The following ERGIC1 variants were observed in gnomAD, a reference collection of about 807,000 sequenced individuals.
ERGIC1 encodes endoplasmic reticulum-Golgi intermediate compartment protein 1.
Under a neutral mutation model 38.3 loss-of-function variants are expected in ERGIC1, and 19 were observed. The ratio of observed to expected loss-of-function variants is 0.50; its 90% CI spans 0.35 to 0.73. The LOEUF (loss-of-function observed/expected upper bound fraction) is 0.73, where lower values mean the gene tolerates loss of function less well. ERGIC1 is among the 30% of genes least tolerant of loss of function. ERGIC1 has a pLI of 0.01. For missense variants in ERGIC1, 294 were observed against 389.2 expected, an observed-to-expected ratio of 0.76 and a Z score of 2.06; for synonymous variants, 124 against 157.6, an observed-to-expected ratio of 0.79 and a Z score of 1.60.
At chr5:172,862,499 T>G (rs1167612926) in intron 1 of ERGIC1, among the ~76,000 whole-genome samples, 1 of 152,074 alleles carries the variant, frequency 6.6e-6, no homozygotes, top group Non-Finnish European at 1.5e-5. Context: ...GTGGATGCCC[T>G]TCAGCTGTAA....
chr5:172,909,466 T>C (rs1561730551), intron 3 of ERGIC1, among the ~76,000 whole-genome samples: 1 of 150,036 alleles, frequency 6.7e-6, no homozygotes, highest in Non-Finnish European at 1.5e-5. Context: ...AGCCCAGCCC[T>C]CCCGTCCTGA....
intron 1 of ERGIC1, among the ~76,000 whole-genome samples, chr5:172,885,304 C>CT (rs1762390242): frequency 1.8e-5 from 1 of 56,390 alleles, no homozygotes; most frequent in East Asian, 4.2e-4. Context: ...TAATTTTGTT[C>CT]ATTTTTTTTT....
At chr5:172,930,920 G>A (rs1763763332) in intron 7 of ERGIC1, among the ~76,000 whole-genome samples, 1 of 152,212 alleles carries the variant, frequency 6.6e-6, no homozygotes, top group Non-Finnish European at 1.5e-5. Flanking sequence ...GGATGTTGGA[G>A]TCTTCATGGA....
chr5:172,884,568 C>T (rs56110213), intron 1 of ERGIC1, among the ~76,000 whole-genome samples: 3,518 of 152,230 alleles, frequency 0.023, 63 homozygotes, highest in Non-Finnish European at 0.038. Flanking sequence ...CTCTTCTTGT[C>T]CTTTTGACAT....
Position 172,926,602 on chromosome 5 carries a change from C to G in ERGIC1, c.541+33C>G. 3.1e-6 allele frequency: 5 copies of G among 1,608,030 alleles called. No individual in the cohort carries two copies. The highest frequency in any genetic ancestry group is 4.2e-6 in the Non-Finnish European group (5 of 1,179,224). On this transcript the variant is annotated intron_variant, in intron 7 of 9. Transcript: ENST00000393784. This position sits in a 1 kb window ranked among gnomAD's most constrained non-coding sequence, Gnocchi z 5.2. ...TCCCTGCTGGGAACAGCCTTCTGCTCCAAGATGCCCAGTACAGCAGGCAGG... is the reference window on the plus strand; with the variant it reads ...TCCCTGCTGGGAACAGCCTTCTGCTGCAAGATGCCCAGTACAGCAGGCAGG...
chr5:172,926,661 C>T lies in ERGIC1; in HGVS notation c.541+92C>T. On this transcript the variant is annotated intron_variant, in intron 7 of 9. Coordinates refer to ENST00000393784, the MANE Select transcript of ERGIC1 (RefSeq NM_001031711.3). The surrounding 1 kb of genome is among the most constrained non-coding windows in gnomAD (Gnocchi z 5.2). ...GGGCAGAGAGGTGGGGGTGCCTGTC[C>T]AGCACCCACTCCAAGGCAGGGAGGC... 1 of 1,387,166 alleles carries T rather than the reference C, an allele frequency of 7.2e-7. No homozygotes were observed. The highest frequency in any genetic ancestry group is 1.0e-6 in the Non-Finnish European group (1 of 987,958). 85.9% of individuals were successfully genotyped at this position (1,387,166 alleles called of 1,614,324 possible).
At chr5:172,917,698 T>C (rs1389933115) in intron 5 of ERGIC1, 5 of 152,308 alleles carry the variant, frequency 3.3e-5, no homozygotes, top group African/African-American at 4.8e-5. Flanking sequence ...ATCTTTATTT[T>C]TGCTAAACTC....
intron 9 of ERGIC1, among the ~76,000 whole-genome samples, chr5:172,948,125 A>G (rs986553721): frequency 2.0e-5 from 3 of 151,764 alleles, no homozygotes. Flanking sequence ...AAAACACTTC[A>G]CCATAATCCC....
At chr5:172,930,650 A>G (rs1561741210) in intron 7 of ERGIC1, among the ~76,000 whole-genome samples, 1 of 152,124 alleles carries the variant, frequency 6.6e-6, no homozygotes, top group Admixed American at 6.5e-5. Flanking sequence ...GCCTTGTACA[A>G]ATTTTAACAA....
At chr5:172,842,051 C>T (rs1215260809) in intron 1 of ERGIC1, among the ~76,000 whole-genome samples, 2 of 152,074 alleles carry the variant, frequency 1.3e-5, no homozygotes, top group African/African-American at 2.4e-5. Context: ...AACATCAGAG[C>T]ACCCTCTTTT....
intron 9 of ERGIC1, 54 bp from the exon 10 acceptor site, chr5:172,950,655 T>G (rs2113501038): frequency 6.5e-7 from 1 of 1,538,406 alleles, no homozygotes; most frequent in East Asian, 2.3e-5. Flanking sequence ...CTGGCCTGGT[T>G]CATCCTCCAG....
At chr5:172,860,449 C>G (rs10476051) in intron 1 of ERGIC1, among the ~76,000 whole-genome samples, 1 of 152,246 alleles carries the variant, frequency 6.6e-6, no homozygotes, top group Non-Finnish European at 1.5e-5. Context: ...ACCTGCCCAG[C>G]GTTGCCTGAG....
chr5:172,873,272 A>G (rs1326191610), intron 1 of ERGIC1, among the ~76,000 whole-genome samples: 1 of 152,212 alleles, frequency 6.6e-6, no homozygotes, highest in African/African-American at 2.4e-5. Context: ...AGTTGGAAAC[A>G]CTTGGGGGGC....
intron 4 of ERGIC1, among the ~76,000 whole-genome samples, chr5:172,912,830 A>G (rs1215455939): frequency 6.8e-6 from 1 of 147,548 alleles, no homozygotes; most frequent in Non-Finnish European, 1.5e-5. Flanking sequence ...GTACAGTGGC[A>G]TGATCTCAGC....
intron 8 of ERGIC1, chr5:172,934,024 C>G (rs1222205490): frequency 7.2e-5 from 11 of 152,224 alleles, no homozygotes; most frequent in Non-Finnish European, 1.3e-4. Context: ...CCCAGCAGCT[C>G]TCCTGGAGAA....
At position 172,926,704 on chromosome 5, in the gene ERGIC1, T is replaced by C; in HGVS notation, c.541+135T>C. On this transcript the variant is annotated intron_variant, in intron 7 of 9. Transcript: ENST00000393784. The surrounding 1 kb of genome is among the most constrained non-coding windows in gnomAD (Gnocchi z 5.2). ...AGGGAGGCTGCTGCTCACACTCCAT[T>C]CCCACAGCTAACCAGTGGGAAGGTG... is the stretch of plus-strand genomic sequence containing the variant. 1.1e-6 allele frequency: 1 copy of C among 932,048 alleles called. No homozygotes were observed. Among genetic ancestry groups the C allele is most frequent in the South Asian group, 1.5e-5 (1 of 68,726 alleles). The allele number at this position is 932,048 out of a possible 1,614,324, so 57.7% of individuals were successfully genotyped here. A position where few individuals can be genotyped will look rare whatever the true frequency, so the allele number is the denominator to read the frequency against.
chr5:172,930,769 T>G (rs938953974), intron 7 of ERGIC1, among the ~76,000 whole-genome samples: 5 of 152,224 alleles, frequency 3.3e-5, no homozygotes, highest in African/African-American at 1.2e-4. Flanking sequence ...GGTCTTGGGC[T>G]CTTGTTTTAA....
chr5:172,902,157 G>T (rs926958472), intron 3 of ERGIC1, among the ~76,000 whole-genome samples: 4 of 152,190 alleles, frequency 2.6e-5, no homozygotes, highest in Non-Finnish European at 5.9e-5. Context: ...ACTGCTTTTT[G>T]ATCAGAATAG....
intron 1 of ERGIC1, among the ~76,000 whole-genome samples, chr5:172,872,523 G>A (rs955449467): frequency 6.6e-6 from 1 of 152,134 alleles, no homozygotes; most frequent in African/African-American, 2.4e-5. Flanking sequence ...GTTGTCAAAA[G>A]GTGGTCTCAG....
Sources: allele counts gnomAD v4.1 joint callset (sites outside exome capture counted in the v4.1 genomes callset), GRCh38; gene constraint gnomAD v4.1.1; non-coding constraint Gnocchi (gnomAD v3.1); transcripts MANE v1.5; gene names NCBI Gene and HGNC (gene_info 2026-07-23, HGNC 2026-07-21).